BAZ2B: variants seen among roughly 807,000 people sequenced by gnomAD.
BAZ2B encodes the protein bromodomain adjacent to zinc finger domain 2B, also known as bromodomain adjacent to zinc finger domain protein 2B.
In BAZ2B, 91 loss-of-function variants were observed where a neutral mutation model predicts 246.0. That is an observed-to-expected ratio of 0.37 (90% CI 0.31 to 0.44). The LOEUF (loss-of-function observed/expected upper bound fraction) is 0.44, where lower values mean the gene tolerates loss of function less well. BAZ2B is among the 20% of genes least tolerant of loss of function. The pLI is 1.00. For missense variants in BAZ2B, 2,332 were observed against 2,533.7 expected (o/e 0.92, Z 1.71); for synonymous variants, 855 against 860.0 (o/e 0.99, Z 0.10).
At chr2:159,430,351 AC>A (rs1172955860) in intron 10 of BAZ2B, among the ~76,000 whole-genome samples, 4 of 152,188 alleles carry the variant, frequency 2.6e-5, no homozygotes, top group African/African-American at 7.2e-5. Context: ...TGATTTTCTT[AC>A]TAACATTTTT....
At chr2:159,576,728 A>G (rs879925308) in intron 1 of BAZ2B, among the ~76,000 whole-genome samples, 6 of 151,396 alleles carry the variant, frequency 4.0e-5, no homozygotes, top group Non-Finnish European at 8.8e-5. Flanking sequence ...CCTGGCTAAC[A>G]TGGTGAAACC....
At chr2:159,465,985 A>G (rs1422883236) in intron 3 of BAZ2B, among the ~76,000 whole-genome samples, 1 of 152,218 alleles carries the variant, frequency 6.6e-6, no homozygotes, top group Non-Finnish European at 1.5e-5. Flanking sequence ...ATCAACTAAA[A>G]GAGAAAATCA....
At chr2:159,639,530 A>C in the BAZ2B span, among the ~76,000 whole-genome samples, 1 of 152,160 alleles carries the variant, frequency 6.6e-6, no homozygotes. Flanking sequence ...AAAAGTTAAA[A>C]AGCAGGGAGA....
chr2:159,660,132 A>T, the BAZ2B span, among the ~76,000 whole-genome samples: 1 of 152,158 alleles, frequency 6.6e-6, no homozygotes, highest in African/African-American at 2.4e-5. Context: ...TCCCCATAGT[A>T]TTTGGTAAGC....
intron 2 of BAZ2B, among the ~76,000 whole-genome samples, chr2:159,540,942 C>A (rs556185400): frequency 6.6e-6 from 1 of 152,262 alleles, no homozygotes; most frequent in South Asian, 2.1e-4. Context: ...GTAAATGTGA[C>A]TACATTTGCA....
intron 2 of BAZ2B, among the ~76,000 whole-genome samples, chr2:159,528,302 A>G (rs1473981264): frequency 1.3e-5 from 2 of 152,202 alleles, no homozygotes; most frequent in Non-Finnish European, 2.9e-5. Context: ...TTAAGATTTA[A>G]GCATCATGAA....
the BAZ2B span, among the ~76,000 whole-genome samples, chr2:159,630,970 G>T: frequency 6.6e-6 from 1 of 152,182 alleles, no homozygotes; most frequent in Admixed American, 6.5e-5. Context: ...CAAGTAGGAG[G>T]ATTGCTTGAG....
the BAZ2B span, among the ~76,000 whole-genome samples, chr2:159,641,948 A>G: frequency 1.3e-5 from 2 of 152,318 alleles, 1 homozygote; most frequent in South Asian, 4.1e-4. Flanking sequence ...TAATATAGAC[A>G]TAAATAATTC....
intron 20 of BAZ2B, among the ~76,000 whole-genome samples, chr2:159,392,368 TC>T (rs2063449639): frequency 6.6e-6 from 1 of 152,098 alleles, no homozygotes; most frequent in African/African-American, 2.4e-5. Flanking sequence ...TTTTTATCGT[TC>T]CCACAACTAC....
chr2:159,702,865 C>G, the BAZ2B span, among the ~76,000 whole-genome samples: 11 of 151,796 alleles, frequency 7.2e-5, no homozygotes, highest in Non-Finnish European at 1.0e-4. Context: ...AGAGTGAAAC[C>G]CAGTCTCTAC....
At chr2:159,499,778 T>C (rs1014408176) in intron 2 of BAZ2B, among the ~76,000 whole-genome samples, 4 of 152,206 alleles carry the variant, frequency 2.6e-5, no homozygotes, top group Admixed American at 1.3e-4. Flanking sequence ...ATCAGTGATG[T>C]TGAGCTTTTT....
intron 3 of BAZ2B, chr2:159,463,130 C>A: frequency 3.0e-6 from 2 of 659,442 alleles, no homozygotes; most frequent in South Asian, 3.3e-5. Flanking sequence ...AGGAGACTGT[C>A]ATTATTACAT....
intron 4 of BAZ2B, among the ~76,000 whole-genome samples, chr2:159,452,492 C>A (rs1020455621): frequency 2.6e-5 from 4 of 152,176 alleles, no homozygotes; most frequent in African/African-American, 9.7e-5. Flanking sequence ...CAAGGTCACA[C>A]AGCTATGAAC....
chr2:159,420,101 C>A (rs913133989), intron 13 of BAZ2B, among the ~76,000 whole-genome samples: 11 of 152,224 alleles, frequency 7.2e-5, no homozygotes, highest in African/African-American at 2.7e-4. Flanking sequence ...GAATAAGCTT[C>A]TCTAAACCAA....
At chr2:159,366,335 A>G (rs978635230) in intron 27 of BAZ2B, among the ~76,000 whole-genome samples, 7 of 152,236 alleles carry the variant, frequency 4.6e-5, no homozygotes, top group African/African-American at 1.7e-4. Flanking sequence ...TATAAAATGT[A>G]GCATTAAACC....
intron 2 of BAZ2B, among the ~76,000 whole-genome samples, chr2:159,506,111 AG>A (rs1190347111): frequency 5.9e-5 from 9 of 152,054 alleles, no homozygotes; most frequent in Admixed American, 2.0e-4. Flanking sequence ...CTGGCTGGCA[AG>A]TTTACTATAA....
intron 16 of BAZ2B, among the ~76,000 whole-genome samples, chr2:159,403,005 A>G (rs547549330): frequency 6.6e-6 from 1 of 152,200 alleles, no homozygotes; most frequent in Non-Finnish European, 1.5e-5. Flanking sequence ...CTTAGTAAAT[A>G]TAGAGTCCTC....
In BAZ2B at chr2:159,435,801, T is replaced by C. The variant is rs150175513; in HGVS notation, c.1294-2438A>G. ...CACCGCACTCAGCCTGAAATACTTA[T>C]TAAATATTTTAAAGCAGCAGTACTA... On this transcript the variant is annotated intron_variant, in intron 8 of 36. Coordinates refer to ENST00000392783, the MANE Select transcript of BAZ2B (RefSeq NM_013450.4). Among the ~76,000 whole-genome samples, 24 of 152,376 alleles carry C rather than the reference T, an allele frequency of 1.6e-4. No homozygotes were observed. The East Asian group carries it at 4.6e-3, about 29-fold the overall frequency.
chr2:159,681,975 G>C, the BAZ2B span, among the ~76,000 whole-genome samples: 1 of 151,968 alleles, frequency 6.6e-6, no homozygotes, highest in Admixed American at 6.6e-5. Context: ...TAAAAAGCAC[G>C]TTAAGGAAAC....
Sources: gnomAD v4.1 joint callset for allele counts (sites outside exome capture counted in the v4.1 genomes callset) on GRCh38, gnomAD v4.1.1 for gene constraint, MANE v1.5 for transcripts, NCBI Gene and HGNC (gene_info 2026-07-23, HGNC 2026-07-21) for gene names.